The following ZNF503 variants were observed in gnomAD, a reference collection of about 807,000 sequenced individuals.
The protein encoded by ZNF503 is zinc finger protein 503.
ZNF503 carries 15 observed loss-of-function variants against 34.4 expected under a neutral mutation model. The observed-to-expected ratio is 0.44, with a 90% confidence interval of 0.29 to 0.67. The LOEUF (loss-of-function observed/expected upper bound fraction) is 0.67. ZNF503 is among the 30% of genes least tolerant of loss of function. The pLI is 0.13. For synonymous variants in ZNF503, 580 were observed against 456.8 expected, an observed-to-expected ratio of 1.27 and a Z score of -3.44; for missense variants, 1,007 against 926.8, an observed-to-expected ratio of 1.09 and a Z score of -1.12.
the ZNF503 span, among the ~76,000 whole-genome samples, chr10:75,380,031 G>A: frequency 2.8e-4 from 43 of 152,310 alleles, no homozygotes; most frequent in African/African-American, 8.7e-4. Context: ...CTGGTAACAT[G>A]GGTTAGAATA....
At chr10:75,376,608 T>C in the ZNF503 span, among the ~76,000 whole-genome samples, 2 of 151,786 alleles carry the variant, frequency 1.3e-5, no homozygotes, top group African/African-American at 4.8e-5. Context: ...GATGCTACTG[T>C]ACTCCAGCCT....
chr10:75,401,441 G>A lies in ZNF503; in HGVS notation c.-22C>T, dbSNP rs1192685796. 6 of 1,526,884 alleles carry A rather than the reference G, an allele frequency of 3.9e-6. No individual in the cohort carries two copies. The highest frequency in any genetic ancestry group is 5.3e-6 in the Non-Finnish European group (6 of 1,142,816). The allele number at this position is 1,526,884 out of a possible 1,614,324, so 94.6% of individuals were successfully genotyped here. ...TCATGACCCACCCGCGCGCATGGGA[G>A]CAGCGGGGGGGAGGGCTCCGGGAGG... is the stretch of plus-strand genomic sequence containing the variant. On this transcript the variant is annotated 5_prime_UTR_variant, in exon 1 of 2. Coordinates refer to ENST00000372524, the MANE Select transcript of ZNF503 (RefSeq NM_032772.6).
chr10:75,343,688 C>T, the ZNF503 span, among the ~76,000 whole-genome samples: 2 of 152,222 alleles, frequency 1.3e-5, no homozygotes, highest in Non-Finnish European at 2.9e-5. Context: ...CTGCTATGCT[C>T]AGCCCTCCCT....
chr10:75,313,067 G>A, the ZNF503 span, among the ~76,000 whole-genome samples: 18 of 152,198 alleles, frequency 1.2e-4, no homozygotes, highest in Admixed American at 1.2e-3. Context: ...ATGTGGAACT[G>A]TGAATCCATT....
At chr10:75,311,816 A>T in the ZNF503 span, among the ~76,000 whole-genome samples, 1 of 151,092 alleles carries the variant, frequency 6.6e-6, no homozygotes, top group Non-Finnish European at 1.5e-5. Flanking sequence ...AGATTAATAC[A>T]GTTGTTTTCT....
At chr10:75,333,286 A>ACCCC in the ZNF503 span, among the ~76,000 whole-genome samples, 1 of 55,972 alleles carries the variant, frequency 1.8e-5, no homozygotes, top group African/African-American at 7.8e-5. Flanking sequence ...CGGGGGGCTG[A>ACCCC]CACCCCCACC....
At chr10:75,391,162 T>A in the ZNF503 span, among the ~76,000 whole-genome samples, 1 of 152,110 alleles carries the variant, frequency 6.6e-6, no homozygotes, top group East Asian at 1.9e-4. Flanking sequence ...CAGCCTTGAG[T>A]TTATCTGAGG....
the ZNF503 span, among the ~76,000 whole-genome samples, chr10:75,285,689 A>G: frequency 2.0e-5 from 3 of 152,196 alleles, no homozygotes; most frequent in Non-Finnish European, 4.4e-5. Flanking sequence ...GGCAAATGCT[A>G]CAAGTCAGGT....
At chr10:75,382,825 T>C in the ZNF503 span, 24 of 277,918 alleles carry the variant, frequency 8.6e-5, no homozygotes, top group African/African-American at 4.8e-4. Flanking sequence ...GTAGTGGGTA[T>C]TGGAGAATGG....
At chr10:75,291,830 T>A in the ZNF503 span, among the ~76,000 whole-genome samples, 2 of 152,192 alleles carry the variant, frequency 1.3e-5, no homozygotes. Flanking sequence ...TGTCTGAAGA[T>A]TGGGACCTGT....
At chr10:75,324,779 AG>A in the ZNF503 span, among the ~76,000 whole-genome samples, 2 of 152,216 alleles carry the variant, frequency 1.3e-5, no homozygotes, top group African/African-American at 4.8e-5. Context: ...ATCTAATTCT[AG>A]GGCATTTTAT....
downstream of ZNF503, among the ~76,000 whole-genome samples, chr10:75,393,521 G>A (rs1843665408): frequency 6.6e-6 from 1 of 152,082 alleles, no homozygotes; most frequent in South Asian, 2.1e-4. Context: ...GGTTTATGGG[G>A]GTTCATTACA....
chr10:75,320,535 A>G, the ZNF503 span, among the ~76,000 whole-genome samples: 1 of 138,918 alleles, frequency 7.2e-6, no homozygotes, highest in Non-Finnish European at 1.6e-5. Context: ...AGCAATATAT[A>G]GGCTGGGCAT....
the ZNF503 span, among the ~76,000 whole-genome samples, chr10:75,320,470 G>A: frequency 6.6e-6 from 1 of 151,608 alleles, no homozygotes; most frequent in East Asian, 2.0e-4. Flanking sequence ...AACAGAGTGA[G>A]ACCCTGTCTC....
the ZNF503 span, among the ~76,000 whole-genome samples, chr10:75,383,578 C>T: frequency 1.3e-5 from 2 of 152,234 alleles, no homozygotes; most frequent in Non-Finnish European, 2.9e-5. Flanking sequence ...CTTGGAGTCA[C>T]TTTGTGACTC....
At chr10:75,297,478 G>C in the ZNF503 span, among the ~76,000 whole-genome samples, 1 of 152,174 alleles carries the variant, frequency 6.6e-6, no homozygotes. Context: ...TGTATTTGTG[G>C]ATTTCATTCA....
downstream of ZNF503, among the ~76,000 whole-genome samples, chr10:75,392,888 C>T (rs1843660170): frequency 6.6e-6 from 1 of 152,210 alleles, no homozygotes; most frequent in South Asian, 2.1e-4. Context: ...ATTTGAGCCT[C>T]ACTACAGCCC....
At chr10:75,296,398 G>A in the ZNF503 span, 3 of 152,452 alleles carry the variant, frequency 2.0e-5, no homozygotes, top group Non-Finnish European at 4.4e-5. Flanking sequence ...GCATCAGGAT[G>A]TCTGAGAGGA....
chr10:75,312,635 G>A, the ZNF503 span, among the ~76,000 whole-genome samples: 1 of 151,974 alleles, frequency 6.6e-6, no homozygotes, highest in Non-Finnish European at 1.5e-5. Flanking sequence ...CAAGAAGCTG[G>A]GTGAAATCCA....
Sources: allele counts gnomAD v4.1 joint callset (sites outside exome capture counted in the v4.1 genomes callset), GRCh38; gene constraint gnomAD v4.1.1; transcripts MANE v1.5; gene names NCBI Gene and HGNC (gene_info 2026-07-23, HGNC 2026-07-21).